ANKRD31: variants seen among roughly 807,000 people sequenced by gnomAD.
ANKRD31 encodes ankyrin repeat domain 31.
In ANKRD31, 147 loss-of-function variants were observed where a neutral mutation model predicts 186.0. The ratio of observed to expected loss-of-function variants is 0.79; its 90% CI spans 0.69 to 0.91. The LOEUF is 0.91. ANKRD31 is among the 40% of genes least tolerant of loss of function. The probability of loss-of-function intolerance (pLI) is 0.00; values close to 1 mark genes in which losing one functional copy is unlikely to be tolerated. For synonymous variants in ANKRD31, 673 were observed against 736.4 expected, an observed-to-expected ratio of 0.91 and a Z score of 1.39; for missense variants, 1,986 against 2,148.8, an observed-to-expected ratio of 0.92 and a Z score of 1.50.
intron 17 of ANKRD31, among the ~76,000 whole-genome samples, chr5:75,136,343 A>G (rs1750573063): frequency 6.6e-6 from 1 of 152,234 alleles, no homozygotes; most frequent in African/African-American, 2.4e-5. Flanking sequence ...CCCATGAAAA[A>G]GTGGGTGAAG....
In ANKRD31 at chr5:75,133,782, A is replaced by T. The variant is rs9751858; in HGVS notation, c.3876+4074T>A. The stretch of plus-strand genomic sequence containing the variant: ...AGTTGGAAGTAAAGCACTCCTCAGC[A>T]AATATAAAAGAACGGAAATTATAAC... On this transcript the variant is annotated intron_variant, in intron 17 of 25. Transcript: ENST00000506364. 2.0e-5 allele frequency among the ~76,000 whole-genome samples: 3 copies of T among 152,238 alleles called. 1 individual carries two copies. In the South Asian group the frequency reaches 6.2e-4, roughly 31 times the overall value.
At chr5:75,159,875 C>T (rs1292311910) in intron 11 of ANKRD31, among the ~76,000 whole-genome samples, 1 of 151,802 alleles carries the variant, frequency 6.6e-6, no homozygotes, top group Non-Finnish European at 1.5e-5. Flanking sequence ...AAAGCAATGG[C>T]ATAAAACAAT....
intron 22 of ANKRD31, among the ~76,000 whole-genome samples, chr5:75,101,279 T>G (rs1246077510): frequency 6.6e-6 from 1 of 152,196 alleles, no homozygotes; most frequent in Non-Finnish European, 1.5e-5. Flanking sequence ...TTGTAGAGTT[T>G]CTGCCAAGAG....
At position 75,147,478 on chromosome 5, in the gene ANKRD31, T is replaced by C. The variant is rs144018496; in HGVS notation, c.1933A>G (p.Ile645Val). The stretch of plus-strand genomic sequence containing the variant: ...GAATTTTCATTATAAACATGCCAAA[T>C]GTGACTTTTAGAACTGAACTTTGGT... ...KKPKFSSKSH[I>V]WHVYNENSNR... is the part of the protein sequence containing the mutation. The change falls in exon 14 of 26, where the codon ATT becomes GTT. Residue 645 changes from isoleucine to valine, a missense_variant. Transcript: ENST00000506364. The C allele has an allele frequency of 2.8e-4, 411 of 1,471,896 alleles. 4 individuals are homozygous for C. The East Asian group carries it at 9.8e-3, about 35-fold the overall frequency. The allele number at this position is 1,471,896 out of a possible 1,614,324, so 91.2% of individuals were successfully genotyped here.
At chr5:75,134,297 A>G (rs1002993603) in intron 17 of ANKRD31, among the ~76,000 whole-genome samples, 1 of 152,160 alleles carries the variant, frequency 6.6e-6, no homozygotes, top group Admixed American at 6.5e-5. Flanking sequence ...AAGAGAGAAG[A>G]ATCAAATAGA....
Position 75,195,621 on chromosome 5 carries a change from C to A in ANKRD31, c.1017+10G>T. ...AATGGTGGAGTAGAACAAAGAAATT[C>A]AAAATTCACCTCTGCTATTTGTGTA... On this transcript the variant is annotated intron_variant, in intron 7 of 25. Transcript: ENST00000506364. 4.0e-6 allele frequency: 6 copies of A among 1,496,150 alleles called. No individual in the cohort carries two copies. Among genetic ancestry groups the A allele is most frequent in the Non-Finnish European group, 5.3e-6 (6 of 1,126,022 alleles). 92.7% of individuals were successfully genotyped at this position (1,496,150 alleles called of 1,614,324 possible).
At chr5:75,159,444 CA>C (rs1481431553) in intron 11 of ANKRD31, among the ~76,000 whole-genome samples, 1 of 151,760 alleles carries the variant, frequency 6.6e-6, no homozygotes, top group African/African-American at 2.4e-5. Context: ...TAATCAAAGT[CA>C]AAATGTTAAA....
chr5:75,147,868 ACT>A (rs780660024), intron 13 of ANKRD31, among the ~76,000 whole-genome samples: 14 of 151,408 alleles, frequency 9.2e-5, no homozygotes, highest in Non-Finnish European at 1.9e-4. Context: ...TTACAAGGAA[ACT>A]CTGTGTTGGT....
intron 2 of ANKRD31, among the ~76,000 whole-genome samples, chr5:75,226,264 T>C (rs1757623965): frequency 6.6e-6 from 1 of 152,192 alleles, no homozygotes; most frequent in African/African-American, 2.4e-5. Flanking sequence ...GACACAAGCC[T>C]GGCTGGTTTT....
chr5:75,185,878 TA>T (rs1202315458), intron 10 of ANKRD31, among the ~76,000 whole-genome samples: 1 of 151,836 alleles, frequency 6.6e-6, no homozygotes, highest in Non-Finnish European at 1.5e-5. Context: ...CCATTAAAAG[TA>T]AAAAATGGTG....
At chr5:75,072,407 G>A (rs1473081503) in intron 25 of ANKRD31, among the ~76,000 whole-genome samples, 1 of 151,922 alleles carries the variant, frequency 6.6e-6, no homozygotes, top group African/African-American at 2.4e-5. Context: ...ATGCAGATGT[G>A]ATGGCTAGAG....
At chr5:75,086,850 G>T (rs944680096) in intron 23 of ANKRD31, among the ~76,000 whole-genome samples, 13 of 152,196 alleles carry the variant, frequency 8.5e-5, no homozygotes, top group East Asian at 3.9e-4. Flanking sequence ...AAAAAGTAGG[G>T]AGTGTAGAAT....
intron 19 of ANKRD31, among the ~76,000 whole-genome samples, chr5:75,115,497 G>A (rs1748151994): frequency 6.6e-6 from 1 of 150,870 alleles, no homozygotes; most frequent in East Asian, 1.9e-4. Flanking sequence ...GAAAATTTTT[G>A]CAACCTACTC....
At chr5:75,128,261 G>T (rs941071766) in intron 17 of ANKRD31, among the ~76,000 whole-genome samples, 1 of 151,330 alleles carries the variant, frequency 6.6e-6, no homozygotes, top group African/African-American at 2.4e-5. Context: ...CCTGGCAGGG[G>T]GTGGGGGACT....
chr5:75,196,099 C>T lies in ANKRD31; in HGVS notation c.549G>A (p.Glu183=). The part of the protein sequence containing the change: ...TVAVKETSLV[E]PEKILAAPNT... Reference sequence around the variant, plus strand: ...TTGGTGCTGCTAAAATCTTCTCTGGCTCTACTAATGATGTCTCCTTTACAG... The same window carrying T: ...TTGGTGCTGCTAAAATCTTCTCTGGTTCTACTAATGATGTCTCCTTTACAG... The change falls in exon 7 of 26, where the codon GAG becomes GAA. Residue 183 remains glutamate, a synonymous_variant. Transcript: ENST00000506364. The T allele has an allele frequency of 6.5e-7, 1 of 1,536,822 alleles. No individual in the cohort carries two copies. The highest frequency in any genetic ancestry group is 8.7e-7 in the Non-Finnish European group (1 of 1,146,684).
intron 15 of ANKRD31, among the ~76,000 whole-genome samples, chr5:75,139,610 A>G (rs974780660): frequency 1.3e-5 from 2 of 152,206 alleles, no homozygotes; most frequent in Non-Finnish European, 2.9e-5. Flanking sequence ...TATTAAAAAA[A>G]TGAAAGAGGA....
intron 3 of ANKRD31, among the ~76,000 whole-genome samples, chr5:75,214,832 C>T (rs1756866731): frequency 6.6e-6 from 1 of 152,172 alleles, no homozygotes; most frequent in Admixed American, 6.5e-5. Context: ...AATCTTTACT[C>T]CCTGTCAACA....
rs1747185674 is a variant in ANKRD31, at chr5:75,104,665, A to G, written c.4894T>C (p.Phe1632Leu). 6.5e-7 allele frequency: 1 copy of G among 1,535,908 alleles called. No individual in the cohort carries two copies. The highest frequency in any genetic ancestry group is 1.4e-5 in the African/African-American group (1 of 73,062). The change falls in exon 22 of 26, where the codon TTC becomes CTC. Residue 1632 changes from phenylalanine (F) to leucine (L), a missense_variant. Physicochemically the swap from Phe to Leu is conservative, Grantham distance 22. Transcript: ENST00000506364. The part of the protein sequence containing the change: ...LTEATDKDHE[F>L]YVSSPVIGKL... ...CCGATTACTGGGGAAGAAACATAGA[A>G]TTCATGGTCTTTGTCTGTAGCTTCT...
intron 10 of ANKRD31, 60 bp from the exon 11 acceptor site, chr5:75,169,181 T>C: frequency 6.7e-7 from 1 of 1,494,658 alleles, no homozygotes; most frequent in South Asian, 1.3e-5. Flanking sequence ...TGTTTTGTGC[T>C]TGCCCTTAAA....
Sources: gnomAD v4.1 joint callset for allele counts (sites outside exome capture counted in the v4.1 genomes callset) on GRCh38, gnomAD v4.1.1 for gene constraint, MANE v1.5 for transcripts, NCBI Gene and HGNC (gene_info 2026-07-23, HGNC 2026-07-21) for gene names.